DDAH1: variants seen among roughly 807,000 people sequenced by gnomAD.
DDAH1 encodes dimethylarginine dimethylaminohydrolase 1.
In DDAH1, 19 loss-of-function variants were observed where a neutral mutation model predicts 28.8. That is an observed-to-expected ratio of 0.66 (90% CI 0.46 to 0.97). The LOEUF is 0.97. Among genes scored for constraint, DDAH1 ranks in the 50% least tolerant of loss-of-function variants. DDAH1 has a pLI of 0.00. For missense variants in DDAH1, 326 were observed against 375.9 expected (o/e 0.87, Z 1.10); for synonymous variants, 153 against 154.4 (o/e 0.99, Z 0.07).
chr1:85,413,968 C>A (rs1652772867), intron 1 of DDAH1, among the ~76,000 whole-genome samples: 1 of 152,178 alleles, frequency 6.6e-6, no homozygotes, highest in Admixed American at 6.5e-5. Flanking sequence ...TTTAAAACAA[C>A]ATATGAAAAT....
At chr1:85,481,091 G>GTTTT (rs779581650) in intron 2 of DDAH1, among the ~76,000 whole-genome samples, 38 of 91,972 alleles carry the variant, frequency 4.1e-4, no homozygotes, top group African/African-American at 6.9e-4. Flanking sequence ...ATTTCTTTGG[G>GTTTT]TTTTTTGTTT....
chr1:85,376,230 C>T (rs1170111387), intron 1 of DDAH1, among the ~76,000 whole-genome samples: 1 of 152,146 alleles, frequency 6.6e-6, no homozygotes, highest in Non-Finnish European at 1.5e-5. Flanking sequence ...TATTAAGCCA[C>T]TCCTATTAGG....
At chr1:85,338,046 A>G (rs1648247817) in intron 4 of DDAH1, among the ~76,000 whole-genome samples, 1 of 152,174 alleles carries the variant, frequency 6.6e-6, no homozygotes. Context: ...TCTCCCCCAA[A>G]CAGAGATCTG....
At chr1:85,387,901 A>G (rs1040051745) in intron 1 of DDAH1, among the ~76,000 whole-genome samples, 2 of 152,206 alleles carry the variant, frequency 1.3e-5, no homozygotes, top group African/African-American at 2.4e-5. Context: ...CACTCATGGC[A>G]GAAGGGAAAG....
intron 1 of DDAH1, among the ~76,000 whole-genome samples, chr1:85,502,126 G>A (rs1191493709): frequency 6.6e-6 from 1 of 152,210 alleles, no homozygotes; most frequent in South Asian, 2.1e-4. Flanking sequence ...GCTTCAGACA[G>A]CACTTTGCAC....
At chr1:85,444,673 G>A (rs556928347) in intron 1 of DDAH1, among the ~76,000 whole-genome samples, 3 of 152,128 alleles carry the variant, frequency 2.0e-5, no homozygotes, top group Admixed American at 6.6e-5. Context: ...TTCACTGAGC[G>A]CCTACTGTGT....
intron 1 of DDAH1, among the ~76,000 whole-genome samples, chr1:85,428,354 T>C (rs559672511): frequency 1.3e-5 from 2 of 152,322 alleles, no homozygotes; most frequent in East Asian, 1.9e-4. Context: ...GGCAAAGTCA[T>C]GTCTTACATG....
intron 1 of DDAH1, among the ~76,000 whole-genome samples, chr1:85,426,382 A>G (rs1653395164): frequency 6.6e-6 from 1 of 152,198 alleles, no homozygotes; most frequent in African/African-American, 2.4e-5. Context: ...CACAGACTAA[A>G]TATGTCATTA....
intron 1 of DDAH1, among the ~76,000 whole-genome samples, chr1:85,499,905 T>C (rs1385144718): frequency 2.6e-5 from 4 of 152,146 alleles, no homozygotes; most frequent in Non-Finnish European, 5.9e-5. Context: ...CACTAGTCAT[T>C]TTTTTATGTT....
At chr1:85,512,711 C>A (rs1007012144) in intron 1 of DDAH1, among the ~76,000 whole-genome samples, 1 of 151,950 alleles carries the variant, frequency 6.6e-6, no homozygotes, top group Non-Finnish European at 1.5e-5. Context: ...CATTAGCAGA[C>A]AAACAGAGAG....
chr1:85,390,875 A>G (rs1432813545), intron 1 of DDAH1, among the ~76,000 whole-genome samples: 2 of 152,176 alleles, frequency 1.3e-5, no homozygotes, highest in Non-Finnish European at 2.9e-5. Context: ...TACAGATAAT[A>G]TAGAATTATA....
At chr1:85,328,690 G>C (rs1332967768) in intron 4 of DDAH1, among the ~76,000 whole-genome samples, 1 of 152,196 alleles carries the variant, frequency 6.6e-6, no homozygotes, top group Non-Finnish European at 1.5e-5. Context: ...GGTTTACTAA[G>C]TAGGACCCCA....
chr1:85,527,477 A>G (rs1354428327), intron 1 of DDAH1, among the ~76,000 whole-genome samples: 30 of 152,238 alleles, frequency 2.0e-4, no homozygotes, highest in Admixed American at 2.0e-3. Context: ...TGGGAAAAGC[A>G]GTACTATAAT....
At chr1:85,524,468 C>T (rs556795837) in intron 1 of DDAH1, among the ~76,000 whole-genome samples, 1 of 151,246 alleles carries the variant, frequency 6.6e-6, no homozygotes, top group Non-Finnish European at 1.5e-5. Context: ...TGGTATAAGC[C>T]TATCTTAAAG....
At chr1:85,568,593 A>G (rs1659371501) in intron 1 of DDAH1, among the ~76,000 whole-genome samples, 1 of 152,230 alleles carries the variant, frequency 6.6e-6, no homozygotes. Context: ...AAGGCTATGC[A>G]CATTAGGAAC....
chr1:85,394,482 C>CA (rs778939327), intron 1 of DDAH1, among the ~76,000 whole-genome samples: 56 of 152,044 alleles, frequency 3.7e-4, no homozygotes, highest in Non-Finnish European at 6.3e-4. Flanking sequence ...TTTGTTATAG[C>CA]AAAAGAAAAC....
At chr1:85,373,666 T>G (rs1327231850) in intron 1 of DDAH1, among the ~76,000 whole-genome samples, 3 of 152,148 alleles carry the variant, frequency 2.0e-5, no homozygotes, top group Admixed American at 2.0e-4. Flanking sequence ...ATAAATCTCT[T>G]TCCTGTATAA....
At chr1:85,488,557 T>C (rs1341419843) in intron 2 of DDAH1, among the ~76,000 whole-genome samples, 1 of 152,176 alleles carries the variant, frequency 6.6e-6, no homozygotes. Flanking sequence ...CTTAAACACA[T>C]GAGTTTTGAG....
At chr1:85,541,932 G>A (rs1299602736) in intron 1 of DDAH1, among the ~76,000 whole-genome samples, 5 of 152,204 alleles carry the variant, frequency 3.3e-5, no homozygotes, top group Admixed American at 3.3e-4. Flanking sequence ...TTTCAGGACT[G>A]TGAGAAATAA....
Sources: gnomAD v4.1 joint callset for allele counts (sites outside exome capture counted in the v4.1 genomes callset) on GRCh38, gnomAD v4.1.1 for gene constraint, MANE v1.5 for transcripts, NCBI Gene and HGNC (gene_info 2026-07-23, HGNC 2026-07-21) for gene names.